LYST: variants seen among roughly 807,000 people sequenced by gnomAD.
LYST encodes the protein lysosomal-trafficking regulator.
In LYST, 192 loss-of-function variants were observed where a neutral mutation model predicts 413.6. That is an observed-to-expected ratio of 0.46 (90% CI 0.41 to 0.52). The LOEUF (loss-of-function observed/expected upper bound fraction) is 0.52. Among genes scored for constraint, LYST ranks in the 20% least tolerant of loss-of-function variants. The pLI is 0.00. For synonymous variants in LYST, 1,525 were observed against 1,567.3 expected (o/e 0.97, Z 0.64); for missense variants, 3,815 against 4,499.9 (o/e 0.85, Z 4.35).
At chr1:235,691,878 C>T (rs1326489250) in intron 47 of LYST, among the ~76,000 whole-genome samples, 8 of 151,060 alleles carry the variant, frequency 5.3e-5, no homozygotes, top group African/African-American at 1.9e-4. Flanking sequence ...TTGCATTTTT[C>T]ATAGAGGCAG....
At position 235,791,835 on chromosome 1, in the gene LYST, T is replaced by C. The variant is rs778289598; in HGVS notation, c.4407A>G (p.Leu1469=). ...PLLGQNCWPH[L]SEGFSVSLWF... is the part of the protein sequence containing the mutation. The stretch of plus-strand genomic sequence containing the variant: ...ACAGGGAAACACTGAAACCTTCTGA[T>C]AGGTGTGGCCAGCAGTTTTGCCCCA... The change falls in exon 12 of 53, where the codon CTA becomes CTG. Residue 1469 remains leucine, a synonymous_variant. Coordinates refer to ENST00000389793, the MANE Select transcript of LYST (RefSeq NM_000081.4). The C allele has an allele frequency of 6.2e-7, 1 of 1,614,188 alleles. No individual in the cohort carries two copies. Among genetic ancestry groups the C allele is most frequent in the Non-Finnish European group, 8.5e-7 (1 of 1,180,002 alleles).
upstream of LYST, among the ~76,000 whole-genome samples, chr1:235,867,270 G>A (rs1331085103): frequency 6.6e-6 from 1 of 152,196 alleles, no homozygotes; most frequent in African/African-American, 2.4e-5. Context: ...CACCGTTTGA[G>A]AAGCACCAAA....
At chr1:235,710,459 A>C (rs1008351571) in intron 43 of LYST, among the ~76,000 whole-genome samples, 8 of 152,144 alleles carry the variant, frequency 5.3e-5, no homozygotes, top group Non-Finnish European at 1.0e-4. Context: ...GCATTTGTAC[A>C]AACTCAATCT....
chr1:235,705,391 T>TA (rs907007273), intron 44 of LYST, among the ~76,000 whole-genome samples: 2 of 150,418 alleles, frequency 1.3e-5, no homozygotes, highest in African/African-American at 2.4e-5. Flanking sequence ...TACTTTTTTT[T>TA]AAAAAAAAAA....
At position 235,813,099 on chromosome 1, in the gene LYST, C is replaced by T. The variant is rs181653909; in HGVS notation, c.193-38G>A. ...CAAAAGAATCCTTCATGTTCTAAGGCGATAAGACACATCAGTTCCTAATGT... is the reference window on the plus strand; with the variant it reads ...CAAAAGAATCCTTCATGTTCTAAGGTGATAAGACACATCAGTTCCTAATGT... On this transcript the variant is annotated intron_variant, in intron 3 of 52. Transcript: ENST00000389793. 4,211 of 1,157,356 alleles carry T rather than the reference C, an allele frequency of 3.6e-3. 17 individuals are homozygous for T. The highest frequency in any genetic ancestry group is 4.4e-3 in the Non-Finnish European group (3,402 of 764,702). 71.7% of individuals were successfully genotyped at this position (1,157,356 alleles called of 1,614,324 possible).
At chr1:235,771,172 A>G (rs928585142) in intron 19 of LYST, among the ~76,000 whole-genome samples, 2 of 152,192 alleles carry the variant, frequency 1.3e-5, no homozygotes, top group Non-Finnish European at 2.9e-5. Context: ...CCACACGAAA[A>G]CCAGCAGACA....
chr1:235,863,811 A>C (rs945346910), intron 1 of LYST, among the ~76,000 whole-genome samples: 1 of 152,258 alleles, frequency 6.6e-6, no homozygotes, highest in African/African-American at 2.4e-5. Flanking sequence ...TTTACTACTA[A>C]TAATCTCAGC....
At chr1:235,690,891 T>C (rs943348091) in intron 47 of LYST, among the ~76,000 whole-genome samples, 4 of 151,334 alleles carry the variant, frequency 2.6e-5, no homozygotes, top group Admixed American at 6.6e-5. Flanking sequence ...TATATTTACA[T>C]GGTATTTTAC....
intron 25 of LYST, among the ~76,000 whole-genome samples, chr1:235,755,080 C>CAAA (rs763926458): frequency 3.4e-5 from 1 of 29,008 alleles, no homozygotes; most frequent in Non-Finnish European, 5.9e-5. Context: ...GACATTGTCT[C>CAAA]AAAAAAAAAA....
chr1:235,811,784 C>T (rs1486876716), intron 4 of LYST, among the ~76,000 whole-genome samples: 1 of 151,904 alleles, frequency 6.6e-6, no homozygotes, highest in Admixed American at 6.6e-5. Flanking sequence ...AAATTCCACC[C>T]AAGCAAAAGA....
chr1:235,744,255 C>A (rs1665694380), intron 29 of LYST, 98 bp from the exon 30 acceptor site: 1 of 698,718 alleles, frequency 1.4e-6, no homozygotes, highest in Non-Finnish European at 2.6e-6. Context: ...TATTTAATTA[C>A]TAATTCAGTT....
chr1:235,810,351 C>T lies in LYST; in HGVS notation c.467G>A (p.Arg156Lys), dbSNP rs776972893. The change falls in exon 5 of 53, where the codon AGA becomes AAA. Residue 156 changes from arginine to lysine, a missense_variant. Around this residue, in one of 4 missense-constraint regions of LYST, gnomAD observed 1,648 missense variants for 1,810.3 expected, o/e 0.91. Coordinates refer to ENST00000389793, the MANE Select transcript of LYST (RefSeq NM_000081.4). Reference protein sequence around the residue: ...QRKITHRYSVRDARKTQLSTS... With the variant: ...QRKITHRYSVKDARKTQLSTS... The stretch of plus-strand genomic sequence containing the variant: ...GGAGAGCTGTGTCTTTCTTGCATCT[C>T]TTACAGAATAGCGATGGGTAATTTT... 6.2e-7 allele frequency: 1 copy of T among 1,614,116 alleles called. No individual in the cohort carries two copies. The highest frequency in any genetic ancestry group is 1.7e-5 in the Admixed American group (1 of 60,012).
Position 235,808,444 on chromosome 1 carries a change from C to T in LYST, c.2363+11G>A, listed in dbSNP as rs1176353350. 1.1e-5 allele frequency: 18 copies of T among 1,611,844 alleles called. No individual in the cohort carries two copies. Among genetic ancestry groups the T allele is most frequent in the Non-Finnish European group, 1.4e-5 (16 of 1,178,924 alleles). On this transcript the variant is annotated intron_variant, in intron 5 of 52. Coordinates refer to ENST00000389793, the MANE Select transcript of LYST (RefSeq NM_000081.4). Reference sequence around the variant, plus strand: ...ACCCCCGCCCCCGCCGCCACCCACACACATACAAACCTGGATTTAAGCAGG... The same window carrying T: ...ACCCCCGCCCCCGCCGCCACCCACATACATACAAACCTGGATTTAAGCAGG...
rs2103002854 is a variant in LYST at position 235,662,361 on chromosome 1, T to C, written c.*579A>G. On this transcript the variant is annotated 3_prime_UTR_variant, in exon 53 of 53. Transcript: ENST00000389793. The stretch of plus-strand genomic sequence containing the variant: ...AAAAACTGCCTAATTTTGAGATTCA[T>C]TCATAGTTTATTTTAGTATTTAGAT... 1 of 153,132 alleles carries C rather than the reference T, an allele frequency of 6.5e-6. No individual in the cohort carries two copies. The highest frequency in any genetic ancestry group is 1.5e-5 in the Non-Finnish European group (1 of 68,610). 9.5% of individuals were successfully genotyped at this position (153,132 alleles called of 1,614,324 possible). A position where few individuals can be genotyped will look rare whatever the true frequency, so the allele number is the denominator to read the frequency against.
chr1:235,802,716 T>C (rs926446616), intron 8 of LYST, among the ~76,000 whole-genome samples, 192 bp downstream of exon 8: 1 of 152,206 alleles, frequency 6.6e-6, no homozygotes, highest in Admixed American at 6.5e-5. Context: ...ATGATGTTTG[T>C]GATAACAAAC....
At position 235,805,987 on chromosome 1, in the gene LYST, G is replaced by A. The variant is rs1672789425; in HGVS notation, c.3149C>T (p.Ser1050Leu). 6.2e-7 allele frequency: 1 copy of A among 1,613,532 alleles called. No individual in the cohort carries two copies. Among genetic ancestry groups the A allele is most frequent in the African/African-American group, 1.3e-5 (1 of 74,882 alleles). ...ACTCTTTTTTAGACTACCTAGTTCT[G>A]ATGGTATGGGGTCACTTTTTATAGC... ...SLAIKSDPIP[S>L]ELGSLKKSAD... is the part of the protein sequence containing the mutation. Residue 1050 changes from serine (S) to leucine (L), a missense_variant, in exon 6 of 53, where the codon TCA (serine) becomes TTA (leucine). Around this residue, in one of 4 missense-constraint regions of LYST, gnomAD observed 1,648 missense variants for 1,810.3 expected, o/e 0.91. Coordinates refer to ENST00000389793, the MANE Select transcript of LYST (RefSeq NM_000081.4).
intron 49 of LYST, 45 bp downstream of exon 49, chr1:235,677,435 A>C: frequency 2.5e-6 from 4 of 1,590,954 alleles, no homozygotes; most frequent in Non-Finnish European, 3.4e-6. Context: ...GTAAAAATGG[A>C]TATATTAAAA....
In LYST at chr1:235,768,685, G is replaced by A. The variant is rs529275596; in HGVS notation, c.5922+1475C>T. Among the ~76,000 whole-genome samples, 4 of 152,138 alleles carry A rather than the reference G, an allele frequency of 2.6e-5. No individual in the cohort carries two copies. In the East Asian group the frequency reaches 5.8e-4, roughly 22 times the overall value. On this transcript the variant is annotated intron_variant, in intron 20 of 52. Coordinates refer to ENST00000389793, the MANE Select transcript of LYST (RefSeq NM_000081.4). ...TGAAAAAATATATGGAAATCTCAAA[G>A]TTTATAAGTGCCACTTTTCTGACAT...
intron 26 of LYST, among the ~76,000 whole-genome samples, chr1:235,752,780 G>A (rs1666632974): frequency 6.6e-6 from 1 of 151,900 alleles, no homozygotes; most frequent in Non-Finnish European, 1.5e-5. Context: ...CTCTCCATCT[G>A]GGTTTTCCAA....
Sources: allele counts gnomAD v4.1 joint callset (sites outside exome capture counted in the v4.1 genomes callset), GRCh38; gene constraint gnomAD v4.1.1; regional missense constraint gnomAD v4.1.1; transcripts MANE v1.5; gene names NCBI Gene and HGNC (gene_info 2026-07-23, HGNC 2026-07-21).